Variants in FKBP11 observed in about 807,000 individuals in gnomAD.
The protein encoded by FKBP11 is peptidyl-prolyl cis-trans isomerase FKBP11.
In FKBP11, 21 loss-of-function variants were observed where a neutral mutation model predicts 24.7. The observed-to-expected ratio is 0.85, with a 90% CI of 0.60 to 1.23. FKBP11 has a LOEUF of 1.23. FKBP11 is among the 50% of genes most tolerant of loss of function. FKBP11 has a pLI of 0.00. For synonymous variants in FKBP11, 106 were observed against 100.6 expected, an observed-to-expected ratio of 1.05 and a Z score of -0.32; for missense variants, 245 against 248.7, an observed-to-expected ratio of 0.99 and a Z score of 0.10.
At chr12:48,930,312 T>TA (rs1252953731), upstream of FKBP11, among the ~76,000 whole-genome samples, 1 of 152,186 alleles carries the variant, frequency 6.6e-6, no homozygotes. Flanking sequence ...TGTCAGCACA[T>TA]ACATTTAAAA....
chr12:48,925,821 A>G (rs1592232664), upstream of FKBP11: 2 of 204,684 alleles, frequency 9.8e-6, no homozygotes, highest in East Asian at 2.3e-4. Context: ...GGTGCTCAGG[A>G]TGTGCCCAAG....
chr12:48,938,884 G>C, the FKBP11 span: 1 of 1,575,884 alleles, frequency 6.3e-7, no homozygotes, highest in South Asian at 1.2e-5. Context: ...GGGTAGGACT[G>C]GGGCAGGGTG....
In FKBP11 at chr12:48,925,365, C is replaced by A; in HGVS notation, c.64G>T (p.Val22Leu). 2 of 1,605,686 alleles carry A rather than the reference C, an allele frequency of 1.2e-6. No individual in the cohort carries two copies. The highest frequency in any genetic ancestry group is 1.7e-6 in the Non-Finnish European group (2 of 1,177,104). ...LLLLLLLSAA[V>L]CRAEAGLETE... ...TCGAGCCCAGCCTCAGCCCGGCACACCGCCGCACTGAGCAGCAGCAGCAGC... is the reference window on the plus strand; with the variant it reads ...TCGAGCCCAGCCTCAGCCCGGCACAACGCCGCACTGAGCAGCAGCAGCAGC... Residue 22 changes from valine to leucine, a missense_variant, in exon 1 of 6, where the codon GTG becomes TTG. Physicochemically the swap from Val to Leu is conservative, Grantham distance 32. Transcript: ENST00000550765.
chr12:48,923,210 G>T (rs1939876250), intron 5 of FKBP11: 9 of 1,247,902 alleles, frequency 7.2e-6, no homozygotes, highest in Non-Finnish European at 9.1e-6. Context: ...TTAGCTAATA[G>T]AACATTTGTT....
At chr12:48,938,818 G>T in the FKBP11 span, 1 of 1,230,304 alleles carries the variant, frequency 8.1e-7, no homozygotes, top group Non-Finnish European at 1.1e-6. Flanking sequence ...CAAGGCTCTT[G>T]CTGGGCATGT....
chr12:48,931,158 A>AAAAAAAAT (rs1940045050), upstream of FKBP11, among the ~76,000 whole-genome samples: 1 of 134,572 alleles, frequency 7.4e-6, no homozygotes, highest in African/African-American at 3.0e-5. Context: ...AAAAAAAAAA[A>AAAAAAAAT]GGCTAGTTGT....
At chr12:48,934,436 G>A in the FKBP11 span, among the ~76,000 whole-genome samples, 1 of 152,306 alleles carries the variant, frequency 6.6e-6, no homozygotes, top group East Asian at 1.9e-4. Context: ...TTTGTCCTAA[G>A]AGCTGGGTGC....
chr12:48,932,384 GT>G, the FKBP11 span, among the ~76,000 whole-genome samples: 1 of 145,324 alleles, frequency 6.9e-6, no homozygotes, highest in African/African-American at 2.6e-5. Flanking sequence ...AAGTGTTGAG[GT>G]TATAGAATTG....
chr12:48,936,153 A>G, the FKBP11 span: 8 of 152,548 alleles, frequency 5.2e-5, no homozygotes, highest in African/African-American at 1.9e-4. Context: ...TCCCCTCACC[A>G]TGAAACTACT....
chr12:48,924,466 T>C (rs558840249), intron 3 of FKBP11, 95 bp downstream of exon 3: 206 of 1,286,580 alleles, frequency 1.6e-4, no homozygotes, highest in Non-Finnish European at 2.2e-4. Context: ...GTCTTACTCA[T>C]TTCAGGGGGG....
At chr12:48,929,049 G>A (rs1297076437), upstream of FKBP11, among the ~76,000 whole-genome samples, 3 of 148,790 alleles carry the variant, frequency 2.0e-5, no homozygotes, top group African/African-American at 4.9e-5. Flanking sequence ...GGATGGTCTC[G>A]ATCTCCTGAC....
upstream of FKBP11, chr12:48,925,649 GGTTCTGACGCATCCGTTAGAC>G (rs1216501501): frequency 5.0e-6 from 3 of 596,902 alleles, no homozygotes; most frequent in Non-Finnish European, 8.8e-6. Flanking sequence ...GGAGGGCGCA[GGTTCTGACGCATCCGTTAGAC>G]GTTCTGTCCT....
chr12:48,933,939 G>A, the FKBP11 span, among the ~76,000 whole-genome samples: 1 of 152,046 alleles, frequency 6.6e-6, no homozygotes, highest in Non-Finnish European at 1.5e-5. Context: ...AGCAGCAATG[G>A]AAGGGGTGTC....
intron 2 of FKBP11, 84 bp downstream of exon 2, chr12:48,924,962 G>A (rs1939925665): frequency 2.0e-6 from 3 of 1,499,644 alleles, no homozygotes; most frequent in Non-Finnish European, 2.7e-6. Context: ...CGAACCGCTT[G>A]CCACGTGTCC....
At chr12:48,927,446 C>T (rs1939993131), upstream of FKBP11, among the ~76,000 whole-genome samples, 1 of 152,080 alleles carries the variant, frequency 6.6e-6, no homozygotes, top group African/African-American at 2.4e-5. Flanking sequence ...ATGCATTTGT[C>T]AGAACTTATC....
At chr12:48,934,702 T>C in the FKBP11 span, among the ~76,000 whole-genome samples, 2 of 152,138 alleles carry the variant, frequency 1.3e-5, no homozygotes, top group Non-Finnish European at 2.9e-5. Context: ...CTGAAAGATA[T>C]CTATTTGCTA....
chr12:48,935,689 G>T, the FKBP11 span: 1 of 152,254 alleles, frequency 6.6e-6, no homozygotes, highest in Admixed American at 6.5e-5. Context: ...AGGGCCATCA[G>T]TTGTAAGAAG....
At chr12:48,932,508 T>C in the FKBP11 span, among the ~76,000 whole-genome samples, 2 of 151,528 alleles carry the variant, frequency 1.3e-5, no homozygotes, top group East Asian at 1.9e-4. Flanking sequence ...ATGAAGCACT[T>C]ACTTACTTCC....
chr12:48,923,920 A>AGGAGCTTCAGCTGGACTGAG, intron 4 of FKBP11, 68 bp from the exon 5 acceptor site: 1 of 1,461,904 alleles, frequency 6.8e-7, no homozygotes, highest in Non-Finnish European at 9.6e-7. Context: ...GTCCAGCTGA[A>AGGAGCTTCAGCTGGACTGAG]GCTCCTTCAG....
Sources: gnomAD v4.1 joint callset for allele counts (sites outside exome capture counted in the v4.1 genomes callset) on GRCh38, gnomAD v4.1.1 for gene constraint, MANE v1.5 for transcripts, NCBI Gene and HGNC (gene_info 2026-07-23, HGNC 2026-07-21) for gene names.